Variants in KBTBD12 observed in about 807,000 individuals in gnomAD.
The protein encoded by KBTBD12 is kelch repeat and BTB domain-containing protein 12.
A neutral mutation model predicts 58.7 loss-of-function variants in KBTBD12; 53 were observed. The observed-to-expected ratio is 0.90, with a 90% CI of 0.72 to 1.14. The LOEUF (loss-of-function observed/expected upper bound fraction) is 1.14. KBTBD12 is among the 50% of genes most tolerant of loss of function. The probability of loss-of-function intolerance (pLI) is 0.00; values close to 1 mark genes in which losing one functional copy is unlikely to be tolerated. For missense variants in KBTBD12, 704 were observed against 751.3 expected (o/e 0.94, Z 0.74); for synonymous variants, 236 against 259.8 (o/e 0.91, Z 0.88).
At chr3:127,967,855 G>T (rs764424477) in intron 5 of KBTBD12, among the ~76,000 whole-genome samples, 6 of 152,180 alleles carry the variant, frequency 3.9e-5, no homozygotes, top group Non-Finnish European at 8.8e-5. Flanking sequence ...AAGTGTTTCT[G>T]CATGTCTTAT....
At chr3:127,967,520 C>T (rs996511352) in intron 5 of KBTBD12, among the ~76,000 whole-genome samples, 1 of 152,128 alleles carries the variant, frequency 6.6e-6, no homozygotes, top group Admixed American at 6.5e-5. Flanking sequence ...GCATTCTTCA[C>T]AGTGGAAGTC....
chr3:127,966,047 T>G (rs149165325), intron 5 of KBTBD12, among the ~76,000 whole-genome samples: 2 of 152,208 alleles, frequency 1.3e-5, no homozygotes, highest in African/African-American at 4.8e-5. Flanking sequence ...CTACTCTTGA[T>G]AGTGAGACAA....
Position 127,923,132 on chromosome 3 carries a change from T to C in KBTBD12, c.71T>C (p.Met24Thr). ...AATTTACTGAATAAAATTCAGAACATGAAAGAATTAGCAGAAATGATTGAT... is the reference window on the plus strand; with the variant it reads ...AATTTACTGAATAAAATTCAGAACACGAAAGAATTAGCAGAAATGATTGAT... ...SLNLLNKIQNMKELAEMIDVV... is the reference protein window; with the variant it reads ...SLNLLNKIQNTKELAEMIDVV... Residue 24 changes from methionine to threonine, a missense_variant, in exon 2 of 6, where the codon ATG becomes ACG. Met to Thr is a moderately conservative substitution (Grantham distance 81). Coordinates refer to ENST00000405109, the MANE Select transcript of KBTBD12 (RefSeq NM_207335.4). 1 of 1,612,638 alleles carries C rather than the reference T, an allele frequency of 6.2e-7. No individual in the cohort carries two copies. The highest frequency in any genetic ancestry group is 8.5e-7 in the Non-Finnish European group (1 of 1,178,838).
intron 4 of KBTBD12, among the ~76,000 whole-genome samples, chr3:127,948,282 C>G (rs4857887): frequency 0.38 from 57,162 of 152,002 alleles, 11,119 homozygotes; most frequent in African/African-American, 0.46. Context: ...CAGTGCCATC[C>G]TAAGCAGTTA....
chr3:127,938,051 G>T (rs1463058404), intron 4 of KBTBD12, among the ~76,000 whole-genome samples: 1 of 152,116 alleles, frequency 6.6e-6, no homozygotes, highest in South Asian at 2.1e-4. Context: ...GAATTTTAAA[G>T]TATGTCTTTA....
intron 4 of KBTBD12, among the ~76,000 whole-genome samples, chr3:127,946,143 G>A (rs1940077444): frequency 6.6e-6 from 1 of 152,070 alleles, no homozygotes; most frequent in African/African-American, 2.4e-5. Context: ...TTGTTATATA[G>A]TTTATATACC....
At chr3:127,917,376 G>C (rs55735243) in intron 1 of KBTBD12, among the ~76,000 whole-genome samples, 29,480 of 152,134 alleles carry the variant, frequency 0.19, 3,104 homozygotes, top group South Asian at 0.36. Context: ...ATGAGATATG[G>C]GGGAAGGGGT....
chr3:127,917,643 C>T (rs1939283176), intron 1 of KBTBD12, among the ~76,000 whole-genome samples: 1 of 152,134 alleles, frequency 6.6e-6, no homozygotes, highest in Non-Finnish European at 1.5e-5. Context: ...CCTCAGTCAA[C>T]TCATTAGTGT....
intron 1 of KBTBD12, among the ~76,000 whole-genome samples, chr3:127,920,187 T>C (rs1939363807): frequency 6.6e-6 from 1 of 152,204 alleles, no homozygotes; most frequent in East Asian, 1.9e-4. Context: ...AAAAAACTCC[T>C]ATATGCCCTA....
At chr3:127,969,240 T>G (rs755556565) in intron 5 of KBTBD12, among the ~76,000 whole-genome samples, 27 of 152,222 alleles carry the variant, frequency 1.8e-4, no homozygotes, top group Admixed American at 9.2e-4. Flanking sequence ...GTGCAGGACA[T>G]AAGACCATAC....
intron 4 of KBTBD12, among the ~76,000 whole-genome samples, chr3:127,934,527 C>T (rs1466603167): frequency 6.6e-6 from 1 of 152,088 alleles, no homozygotes; most frequent in Admixed American, 6.6e-5. Flanking sequence ...TCAAAAATTT[C>T]TGAAATTTGA....
intron 4 of KBTBD12, among the ~76,000 whole-genome samples, chr3:127,940,817 A>C (rs1308187805): frequency 6.6e-6 from 1 of 152,182 alleles, no homozygotes; most frequent in Non-Finnish European, 1.5e-5. Flanking sequence ...AGCAAGACTA[A>C]CCAATAAAAA....
At position 127,919,511 on chromosome 3, in the gene KBTBD12, T is replaced by A. The variant is rs554691989; in HGVS notation, c.-112-3439T>A. ...CCAAAGTTCACACTGAACATTTTTA[T>A]GGGAGAAAATACATGCCAGTTTAGG... On this transcript the variant is annotated intron_variant, in intron 1 of 5. Coordinates refer to ENST00000405109, the MANE Select transcript of KBTBD12 (RefSeq NM_207335.4). Among the ~76,000 whole-genome samples the A allele has an allele frequency of 4.7e-4, 72 of 152,310 alleles. 1 individual carries two copies. The highest frequency in any genetic ancestry group is 1.6e-3 in the African/African-American group (68 of 41,578).
At chr3:127,962,094 C>CT (rs1940452777) in intron 4 of KBTBD12, among the ~76,000 whole-genome samples, 1 of 152,196 alleles carries the variant, frequency 6.6e-6, no homozygotes, top group South Asian at 2.1e-4. Context: ...GAGGCCAGTG[C>CT]TTTACAGGCT....
chr3:127,930,618 T>C (rs1379979623), intron 4 of KBTBD12, among the ~76,000 whole-genome samples: 3 of 152,180 alleles, frequency 2.0e-5, no homozygotes, highest in Non-Finnish European at 4.4e-5. Flanking sequence ...AAATGTGGGC[T>C]TTGCACCAAC....
chr3:127,917,452 C>T (rs943849062), intron 1 of KBTBD12, among the ~76,000 whole-genome samples: 1 of 152,184 alleles, frequency 6.6e-6, no homozygotes, highest in Non-Finnish European at 1.5e-5. Flanking sequence ...CTCTCCAAAC[C>T]TTGTCCTTTT....
intron 4 of KBTBD12, among the ~76,000 whole-genome samples, chr3:127,948,096 G>A (rs146658888): frequency 1.3e-5 from 2 of 152,276 alleles, no homozygotes; most frequent in East Asian, 1.9e-4. Context: ...ATTTTACAAA[G>A]GGAAAAAGGA....
intron 4 of KBTBD12, among the ~76,000 whole-genome samples, chr3:127,958,701 T>C (rs745438568): frequency 2.6e-5 from 4 of 152,188 alleles, no homozygotes; most frequent in Non-Finnish European, 5.9e-5. Flanking sequence ...AATCAAGCTG[T>C]AACAAATGGA....
rs1940948982 is a variant in KBTBD12 at position 127,985,458 on chromosome 3, A to T, written c.*1180A>T. On this transcript the variant is annotated 3_prime_UTR_variant, in exon 6 of 6. Coordinates refer to ENST00000405109, the MANE Select transcript of KBTBD12 (RefSeq NM_207335.4). ...GTGGATTCAATGAGGGCATCTTCAT[A>T]GCTCTTCTTCAGCAACTTCTCCAAA... The T allele has an allele frequency of 1.3e-5, 2 of 152,256 alleles. No individual in the cohort carries two copies. 9.4% of individuals were successfully genotyped at this position (152,256 alleles called of 1,614,324 possible). A position where few individuals can be genotyped will look rare whatever the true frequency, so the allele number is the denominator to read the frequency against.
Sources: gnomAD v4.1 joint callset for allele counts (sites outside exome capture counted in the v4.1 genomes callset) on GRCh38, gnomAD v4.1.1 for gene constraint, MANE v1.5 for transcripts, NCBI Gene and HGNC (gene_info 2026-07-23, HGNC 2026-07-21) for gene names.